Variants in DEPTOR observed in about 807,000 individuals in gnomAD.
DEPTOR encodes DEP domain-containing mTOR-interacting protein.
DEPTOR carries 41 observed loss-of-function variants against 41.6 expected under a neutral mutation model. The observed-to-expected ratio is 0.98, with a 90% CI of 0.77 to 1.28. DEPTOR has a LOEUF of 1.28. Ranked by LOEUF, DEPTOR falls within the 50% of genes most tolerant of loss-of-function variation. The probability of loss-of-function intolerance (pLI) is 0.00; values close to 1 mark genes in which losing one functional copy is unlikely to be tolerated. For missense variants in DEPTOR, 514 were observed against 527.9 expected (o/e 0.97, Z 0.26); for synonymous variants, 195 against 192.3 (o/e 1.01, Z -0.12).
At chr8:119,974,193 G>T (rs1031450751) in intron 4 of DEPTOR, among the ~76,000 whole-genome samples, 1 of 133,130 alleles carries the variant, frequency 7.5e-6, no homozygotes, top group Admixed American at 8.7e-5. Flanking sequence ...GAGGACAGGA[G>T]TTCGGGACCA....
At chr8:119,886,050 G>T (rs998500459) in intron 1 of DEPTOR, among the ~76,000 whole-genome samples, 1 of 151,720 alleles carries the variant, frequency 6.6e-6, no homozygotes. Context: ...TCTATACAAC[G>T]CAAATCCCTA....
chr8:120,030,236 G>T (rs1343680770), intron 8 of DEPTOR, among the ~76,000 whole-genome samples: 1 of 152,042 alleles, frequency 6.6e-6, no homozygotes, highest in Non-Finnish European at 1.5e-5. Context: ...AGACTTTAGT[G>T]TCTCCAATCC....
At chr8:120,028,674 G>A (rs1221854331) in intron 8 of DEPTOR, among the ~76,000 whole-genome samples, 1 of 151,424 alleles carries the variant, frequency 6.6e-6, no homozygotes, top group East Asian at 2.0e-4. Context: ...TGTTGGCCAG[G>A]CTGGTTTCGA....
At chr8:119,911,607 CGT>C (rs1440537458) in intron 1 of DEPTOR, among the ~76,000 whole-genome samples, 2 of 152,178 alleles carry the variant, frequency 1.3e-5, no homozygotes, top group Admixed American at 1.3e-4. Flanking sequence ...CCTGAGCCAC[CGT>C]GCCTGGCCCC....
At chr8:119,892,091 C>T (rs922167461) in intron 1 of DEPTOR, among the ~76,000 whole-genome samples, 7 of 152,278 alleles carry the variant, frequency 4.6e-5, no homozygotes, top group East Asian at 3.9e-4. Context: ...CTCCACCTCC[C>T]GGGTGGAAGC....
intron 4 of DEPTOR, 33 bp downstream of exon 4, chr8:119,965,443 C>A (rs938031086): frequency 6.3e-7 from 1 of 1,598,138 alleles, no homozygotes; most frequent in African/African-American, 1.3e-5. Context: ...GCTGCAGGAA[C>A]AAACAGCCAG....
intron 1 of DEPTOR, among the ~76,000 whole-genome samples, chr8:119,880,336 T>A (rs1189764027): frequency 6.6e-6 from 1 of 152,120 alleles, no homozygotes; most frequent in Admixed American, 6.6e-5. Flanking sequence ...AGCAACTCTA[T>A]GTAGCAGATA....
At chr8:120,028,287 C>G (rs1812832027) in intron 8 of DEPTOR, among the ~76,000 whole-genome samples, 1 of 151,490 alleles carries the variant, frequency 6.6e-6, no homozygotes, top group South Asian at 2.1e-4. Flanking sequence ...TCCCAAGTAG[C>G]TGGGATTACA....
chr8:119,996,384 A>G (rs1343457328), intron 4 of DEPTOR, among the ~76,000 whole-genome samples: 1 of 152,242 alleles, frequency 6.6e-6, no homozygotes, highest in East Asian at 1.9e-4. Flanking sequence ...TGTATTTGGC[A>G]TTATGCTGAA....
intron 1 of DEPTOR, among the ~76,000 whole-genome samples, chr8:119,887,837 TG>T (rs1330149308): frequency 1.3e-5 from 2 of 151,794 alleles, no homozygotes; most frequent in Non-Finnish European, 2.9e-5. Flanking sequence ...TTTTGTTTTT[TG>T]GACACATGGT....
At chr8:119,874,349 G>T in intron 1 of DEPTOR, 1 of 267,706 alleles carries the variant, frequency 3.7e-6, no homozygotes, top group Non-Finnish European at 7.1e-6. Flanking sequence ...AGCAAGAGGG[G>T]TCGCTGTGGG....
chr8:120,022,450 T>A (rs1812734329), intron 8 of DEPTOR, among the ~76,000 whole-genome samples: 1 of 152,172 alleles, frequency 6.6e-6, no homozygotes, highest in Non-Finnish European at 1.5e-5. Context: ...TAAATTGATC[T>A]GCTATGGGTT....
chr8:119,956,136 T>C (rs1485766722), intron 3 of DEPTOR, among the ~76,000 whole-genome samples: 5 of 152,194 alleles, frequency 3.3e-5, no homozygotes, highest in Admixed American at 6.5e-5. Flanking sequence ...AATTAAATGA[T>C]GGTTATTTTA....
intron 1 of DEPTOR, among the ~76,000 whole-genome samples, chr8:119,886,951 G>C (rs1827372018): frequency 1.3e-5 from 2 of 152,146 alleles, no homozygotes; most frequent in Non-Finnish European, 2.9e-5. Context: ...GAGATACCAA[G>C]TGAAATAAGA....
At chr8:119,901,414 C>T (rs938962710) in intron 1 of DEPTOR, among the ~76,000 whole-genome samples, 6 of 152,132 alleles carry the variant, frequency 3.9e-5, no homozygotes, top group African/African-American at 1.4e-4. Context: ...TGGTGGCTCA[C>T]ACCTGTAATC....
chr8:119,979,061 C>A (rs2130012550), intron 4 of DEPTOR, among the ~76,000 whole-genome samples: 1 of 152,188 alleles, frequency 6.6e-6, no homozygotes, highest in South Asian at 2.1e-4. Flanking sequence ...TGAGCATAAG[C>A]AAACTCATCA....
intron 8 of DEPTOR, among the ~76,000 whole-genome samples, chr8:120,010,924 C>G (rs1195186912): frequency 6.6e-6 from 1 of 152,066 alleles, no homozygotes; most frequent in East Asian, 1.9e-4. Flanking sequence ...CAGCTTTGTT[C>G]TATTGTCTGT....
chr8:119,927,117 C>G (rs938139501), intron 1 of DEPTOR, among the ~76,000 whole-genome samples: 2 of 152,136 alleles, frequency 1.3e-5, no homozygotes, highest in Non-Finnish European at 2.9e-5. Context: ...ATATGCATAT[C>G]ACAGCAGGAC....
chr8:119,897,598 T>C (rs1348687610), intron 1 of DEPTOR, among the ~76,000 whole-genome samples: 4 of 152,216 alleles, frequency 2.6e-5, no homozygotes, highest in Non-Finnish European at 5.9e-5. Context: ...TATTTCTCGA[T>C]TTCTGTAAGC....
Sources: allele counts gnomAD v4.1 joint callset (sites outside exome capture counted in the v4.1 genomes callset), GRCh38; gene constraint gnomAD v4.1.1; transcripts MANE v1.5; gene names NCBI Gene and HGNC (gene_info 2026-07-23, HGNC 2026-07-21).